Variants in PTCHD4 observed in about 807,000 individuals in gnomAD.
PTCHD4 encodes the protein patched domain-containing protein 4.
In PTCHD4, 33 loss-of-function variants were observed where a neutral mutation model predicts 58.1. That is an observed-to-expected ratio of 0.57 (90% CI 0.43 to 0.76). The LOEUF (loss-of-function observed/expected upper bound fraction) is 0.76. Among genes scored for constraint, PTCHD4 ranks in the 30% least tolerant of loss-of-function variants. PTCHD4 has a pLI of 0.00. For missense variants in PTCHD4, 1,058 were observed against 1,027.1 expected (o/e 1.03, Z -0.41); for synonymous variants, 478 against 409.6 (o/e 1.17, Z -2.02).
intron 3 of PTCHD4, among the ~76,000 whole-genome samples, chr6:48,019,837 G>A (rs897586048): frequency 6.6e-6 from 1 of 152,164 alleles, no homozygotes; most frequent in African/African-American, 2.4e-5. Flanking sequence ...GTACTAAGGA[G>A]GCTTTCTAAA....
rs747216387 is a variant in PTCHD4, at chr6:47,879,663, C to G, written c.1172G>C (p.Gly391Ala). The G allele has an allele frequency of 4.3e-6, 7 of 1,613,442 alleles. No individual in the cohort carries two copies. Among genetic ancestry groups the G allele is most frequent in the South Asian group, 2.2e-5 (2 of 91,052 alleles). ...SFFGSCLVFA[G>A]QLEQNRYHSI... is the part of the protein sequence containing the mutation. Reference sequence around the variant, plus strand: ...GTGGTAGCGGTTTTGCTCTAGTTGGCCAGCAAAGACCAGACAGGAGCCAAA... The same window carrying G: ...GTGGTAGCGGTTTTGCTCTAGTTGGGCAGCAAAGACCAGACAGGAGCCAAA... The change falls in exon 5 of 5, where the codon GGC becomes GCC. Residue 391 changes from glycine to alanine, a missense_variant. Gly to Ala is a moderately conservative substitution (Grantham distance 60). Transcript: ENST00000339488.
chr6:47,891,425 C>A (rs1405341028), intron 4 of PTCHD4, among the ~76,000 whole-genome samples: 2 of 151,638 alleles, frequency 1.3e-5, no homozygotes, highest in Non-Finnish European at 2.9e-5. Flanking sequence ...CAAAACGAGA[C>A]CCCTCCATAA....
intron 1 of PTCHD4, among the ~76,000 whole-genome samples, chr6:48,073,715 A>G (rs1282026741): frequency 6.6e-6 from 1 of 152,160 alleles, no homozygotes; most frequent in East Asian, 1.9e-4. Context: ...TTCCTAGCCT[A>G]TGAGTTGCAG....
intron 4 of PTCHD4, among the ~76,000 whole-genome samples, chr6:47,882,446 A>G (rs540629011): frequency 1.8e-4 from 28 of 152,032 alleles, no homozygotes; most frequent in African/African-American, 6.7e-4. Context: ...TATCCCACTC[A>G]TATGTTTAGA....
At position 47,868,749 on chromosome 6, in the gene PTCHD4, G is replaced by A. The variant is rs1311534969; in HGVS notation, c.*9554C>T. On this transcript the variant is annotated 3_prime_UTR_variant, in exon 5 of 5. Coordinates refer to ENST00000339488, the MANE Select transcript of PTCHD4 (RefSeq NM_001384253.1). ...TCTTATTTCATTCCTTTCTAGCCATGCTTATTTTTATGTAAAGGAGAAAAC... is the reference window on the plus strand; with the variant it reads ...TCTTATTTCATTCCTTTCTAGCCATACTTATTTTTATGTAAAGGAGAAAAC... Among the ~76,000 whole-genome samples, 3 of 151,556 alleles carry A rather than the reference G, an allele frequency of 2.0e-5. No individual in the cohort carries two copies. The highest frequency in any genetic ancestry group is 7.3e-5 in the African/African-American group (3 of 41,310).
intron 4 of PTCHD4, among the ~76,000 whole-genome samples, chr6:47,987,430 A>C (rs943689992): frequency 2.0e-4 from 31 of 152,154 alleles, no homozygotes; most frequent in African/African-American, 6.7e-4. Context: ...AAAAAAAAAA[A>C]AACAAGACTA....
chr6:48,073,704 T>C (rs1487069778), intron 1 of PTCHD4, among the ~76,000 whole-genome samples: 1 of 152,198 alleles, frequency 6.6e-6, no homozygotes, highest in Non-Finnish European at 1.5e-5. Context: ...CCTGAGGTCA[T>C]TTCCTAGCCT....
intron 1 of PTCHD4, among the ~76,000 whole-genome samples, chr6:48,086,012 C>A (rs751194526): frequency 6.6e-6 from 1 of 151,630 alleles, no homozygotes; most frequent in Non-Finnish European, 1.5e-5. Flanking sequence ...TTTGACATGA[C>A]CTGTAACAAT....
chr6:47,955,469 A>C (rs970244682), intron 4 of PTCHD4, among the ~76,000 whole-genome samples: 1 of 152,254 alleles, frequency 6.6e-6, no homozygotes, highest in African/African-American at 2.4e-5. Context: ...CAGCAAGGAC[A>C]TTCATAACAA....
chr6:48,005,257 T>A (rs1762391133), intron 4 of PTCHD4, among the ~76,000 whole-genome samples: 1 of 152,176 alleles, frequency 6.6e-6, no homozygotes, highest in Admixed American at 6.5e-5. Flanking sequence ...GAACAAACAG[T>A]ATCAGCGACA....
At chr6:47,996,273 A>T (rs1474605187) in intron 4 of PTCHD4, among the ~76,000 whole-genome samples, 1 of 152,156 alleles carries the variant, frequency 6.6e-6, no homozygotes, top group Non-Finnish European at 1.5e-5. Context: ...GTTGGAGATC[A>T]GCCTGGCCAA....
intron 3 of PTCHD4, among the ~76,000 whole-genome samples, chr6:48,053,227 G>A (rs970441720): frequency 1.3e-5 from 2 of 152,084 alleles, no homozygotes; most frequent in African/African-American, 4.8e-5. Context: ...TTTGGCCGGA[G>A]AATGTCAAGT....
intron 3 of PTCHD4, among the ~76,000 whole-genome samples, chr6:48,064,998 C>T (rs549500619): frequency 6.6e-6 from 1 of 152,138 alleles, no homozygotes; most frequent in South Asian, 2.1e-4. Context: ...TTTATCTAAG[C>T]CTCTATTTGG....
chr6:48,064,824 A>T (rs539807204), intron 3 of PTCHD4, among the ~76,000 whole-genome samples: 1 of 152,140 alleles, frequency 6.6e-6, no homozygotes, highest in Non-Finnish European at 1.5e-5. Flanking sequence ...CTAGTGAGAG[A>T]TATAAAAGAA....
chr6:48,064,224 T>C (rs550473859), intron 3 of PTCHD4, among the ~76,000 whole-genome samples: 2 of 152,290 alleles, frequency 1.3e-5, no homozygotes, highest in South Asian at 4.1e-4. Context: ...ATTTGTCTGC[T>C]TAAATCTTTA....
chr6:48,080,783 A>AT lies in PTCHD4; in HGVS notation c.-969-10858dup, dbSNP rs149313402. On this transcript the variant is annotated intron_variant, in intron 1 of 4. Transcript: ENST00000339488. The stretch of plus-strand genomic sequence containing the variant: ...TTTGTGGCTGATGATGTGGGTCTCA[A>AT]TTCCTGTTTGCCTTGTGTACATTCT... Among the ~76,000 whole-genome samples the AT allele has an allele frequency of 4.7e-3, 721 of 152,306 alleles. 6 individuals carry two copies. Among genetic ancestry groups the AT allele is most frequent in the African/African-American group, 0.016 (650 of 41,562 alleles).
At chr6:47,887,888 G>A (rs1764243901) in intron 4 of PTCHD4, among the ~76,000 whole-genome samples, 1 of 152,152 alleles carries the variant, frequency 6.6e-6, no homozygotes, top group Non-Finnish European at 1.5e-5. Flanking sequence ...AAGGGTAGGG[G>A]GTGTTTAACA....
chr6:47,978,638 A>G (rs1390369490), intron 4 of PTCHD4, among the ~76,000 whole-genome samples: 4 of 152,132 alleles, frequency 2.6e-5, no homozygotes, highest in Admixed American at 2.0e-4. Flanking sequence ...TAAGCACTTT[A>G]CATAAGTTTT....
At chr6:48,035,348 A>G (rs1291854463) in intron 3 of PTCHD4, among the ~76,000 whole-genome samples, 2 of 152,116 alleles carry the variant, frequency 1.3e-5, no homozygotes, top group African/African-American at 4.8e-5. Context: ...ACTCTGTTGC[A>G]GTGGTTTTCA....
Sources: allele counts gnomAD v4.1 joint callset (sites outside exome capture counted in the v4.1 genomes callset), GRCh38; gene constraint gnomAD v4.1.1; transcripts MANE v1.5; gene names NCBI Gene and HGNC (gene_info 2026-07-23, HGNC 2026-07-21).